IL1RAPL1: variants seen among roughly 807,000 people sequenced by gnomAD.
IL1RAPL1 encodes the protein interleukin 1 receptor accessory protein like 1.
IL1RAPL1 carries 3 observed loss-of-function variants against 48.4 expected under a neutral mutation model. That is an observed-to-expected ratio of 0.06 (90% CI 0.03 to 0.16). The LOEUF is 0.16. IL1RAPL1 is among the 10% of genes least tolerant of loss of function. The pLI is 1.00. For missense variants in IL1RAPL1, 349 were observed against 530.6 expected (o/e 0.66, Z 3.36); for synonymous variants, 185 against 187.7 (o/e 0.99, Z 0.12).
At position 29,321,380 on chromosome X, in the gene IL1RAPL1, C is replaced by T. The variant is rs142795312; in HGVS notation, c.362+38163C>T. Among the ~76,000 whole-genome samples, 50 of 112,013 alleles carry T rather than the reference C, an allele frequency of 4.5e-4. No homozygotes were observed. In the East Asian group the frequency reaches 0.012, roughly 27 times the overall value. On this transcript the variant is annotated intron_variant, in intron 3 of 10. Coordinates refer to ENST00000378993, the MANE Select transcript of IL1RAPL1 (RefSeq NM_014271.4). Reference sequence around the variant, plus strand: ...TAGGAGCTCATTTCTAGCTAAAGTGCTGACATCACTTTGAAGCCATTTACA... The same window carrying T: ...TAGGAGCTCATTTCTAGCTAAAGTGTTGACATCACTTTGAAGCCATTTACA...
chrX:29,748,650 A>G lies in IL1RAPL1; in HGVS notation c.778+80146A>G, dbSNP rs778075416. On this transcript the variant is annotated intron_variant, in intron 6 of 10. Coordinates refer to ENST00000378993, the MANE Select transcript of IL1RAPL1 (RefSeq NM_014271.4). ...TTAACTCGGGAAATATGGGTCCAAA[A>G]CCTAGGTTTTTGGCCCCCAGGCCAT... 2.0e-3 allele frequency among the ~76,000 whole-genome samples: 228 copies of G among 113,077 alleles called. 1 individual carries two copies. The highest frequency in any genetic ancestry group is 9.2e-3 in the Middle Eastern group (2 of 218).
chrX:29,903,515 CTTT>C (rs1391168103), intron 6 of IL1RAPL1, among the ~76,000 whole-genome samples: 2 of 110,881 alleles, frequency 1.8e-5, no homozygotes, highest in Non-Finnish European at 3.8e-5. Flanking sequence ...GGAGAATTTT[CTTT>C]TTAATTAAAA....
rs751730303 is a variant in IL1RAPL1 at position 29,027,922 on chromosome X, TTGTGTG to T, written c.82+238519_82+238524del. On this transcript the variant is annotated intron_variant, in intron 2 of 10. Transcript: ENST00000378993. ...CATTGTTGAGTTTTAAGATTTCTTT[TTGTGTG>T]TGTGTGTGTGTGTGTGTGTGTATAT... Among the ~76,000 whole-genome samples the T allele has an allele frequency of 1.9e-3, 198 of 104,710 alleles. 1 individual carries two copies. The highest frequency in any genetic ancestry group is 9.8e-3 in the Middle Eastern group (2 of 205). 90.9% of individuals were successfully genotyped at this position (104,710 alleles called of 115,157 possible). A position where few individuals can be genotyped will look rare whatever the true frequency, so the allele number is the denominator to read the frequency against.
chrX:29,079,537 G>A (rs1322867814), intron 2 of IL1RAPL1, among the ~76,000 whole-genome samples: 5 of 109,367 alleles, frequency 4.6e-5, no homozygotes, highest in Non-Finnish European at 7.6e-5. Context: ...ATTTTATATG[G>A]TAGAGCTAAG....
chrX:29,454,593 C>G (rs1229741191), intron 5 of IL1RAPL1, among the ~76,000 whole-genome samples: 3 of 111,288 alleles, frequency 2.7e-5, no homozygotes, highest in Non-Finnish European at 5.7e-5. Flanking sequence ...GCAGAAGAAC[C>G]AGAGTTGGAG....
chrX:28,872,280 A>G (rs777648620), intron 2 of IL1RAPL1, among the ~76,000 whole-genome samples: 2 of 111,785 alleles, frequency 1.8e-5, no homozygotes, highest in East Asian at 5.6e-4. Flanking sequence ...TGGCTTCCCA[A>G]AGTGCTGGGA....
intron 2 of IL1RAPL1, among the ~76,000 whole-genome samples, chrX:28,941,133 C>T (rs1040012980): frequency 9.0e-6 from 1 of 110,834 alleles, no homozygotes. Flanking sequence ...TGTGAAAATA[C>T]ACCAGTGAGT....
chrX:28,723,244 G>A (rs1935615743), intron 1 of IL1RAPL1, among the ~76,000 whole-genome samples: 1 of 110,736 alleles, frequency 9.0e-6, no homozygotes, highest in Admixed American at 9.7e-5. Flanking sequence ...TGATTGGTAG[G>A]CTATTAATTA....
Position 29,406,033 on chromosome X carries a change from T to C in IL1RAPL1, c.703+6725T>C, listed in dbSNP as rs12688264. ...CATTGTTTCCTGAACTGGTGTCCAG[T>C]GTACTGATGAGACCATCAAAGGGCT... On this transcript the variant is annotated intron_variant, in intron 5 of 10. Coordinates refer to ENST00000378993, the MANE Select transcript of IL1RAPL1 (RefSeq NM_014271.4). 0.012 allele frequency among the ~76,000 whole-genome samples: 1,383 copies of C among 111,955 alleles called. 51 individuals are homozygous for C. In the East Asian group the frequency reaches 0.13, roughly 10 times the overall value.
intron 5 of IL1RAPL1, among the ~76,000 whole-genome samples, chrX:29,600,184 G>A (rs1923674348): frequency 8.9e-6 from 1 of 112,118 alleles, no homozygotes; most frequent in Non-Finnish European, 1.9e-5. Flanking sequence ...CTCAAGAGCT[G>A]CTGTTCAGAT....
At chrX:28,792,050 A>G (rs944868746) in intron 2 of IL1RAPL1, among the ~76,000 whole-genome samples, 3 of 111,827 alleles carry the variant, frequency 2.7e-5, no homozygotes, top group Non-Finnish European at 5.6e-5. Context: ...TTGATGTTTG[A>G]TTTTACGTAT....
chrX:29,186,546 G>A (rs933944906), intron 2 of IL1RAPL1, among the ~76,000 whole-genome samples: 7 of 111,559 alleles, frequency 6.3e-5, no homozygotes, highest in South Asian at 7.6e-4. Context: ...AAAGGAGGAG[G>A]AAAGACAAGT....
chrX:28,991,941 A>T (rs1437546970), intron 2 of IL1RAPL1, among the ~76,000 whole-genome samples: 1 of 111,815 alleles, frequency 8.9e-6, no homozygotes, highest in Non-Finnish European at 1.9e-5. Context: ...GACATTGTGG[A>T]CTTACTTTCG....
intron 2 of IL1RAPL1, among the ~76,000 whole-genome samples, chrX:29,034,241 T>C (rs1233793644): frequency 8.9e-6 from 1 of 112,115 alleles, no homozygotes; most frequent in African/African-American, 3.2e-5. Context: ...ATAAGTGAAA[T>C]TTATTGGTTT....
chrX:28,824,857 C>G, intron 2 of IL1RAPL1, among the ~76,000 whole-genome samples: 1 of 111,468 alleles, frequency 9.0e-6, no homozygotes, highest in Admixed American at 9.5e-5. Flanking sequence ...TTTTTGAAAA[C>G]CCTATTATAG....
At chrX:28,957,347 A>G (rs1454038878) in intron 2 of IL1RAPL1, among the ~76,000 whole-genome samples, 1 of 112,017 alleles carries the variant, frequency 8.9e-6, no homozygotes, top group Non-Finnish European at 1.9e-5. Context: ...AATTTCATAT[A>G]TTTTATTTCC....
intron 2 of IL1RAPL1, among the ~76,000 whole-genome samples, chrX:29,184,437 C>G (rs761422476): frequency 4.1e-4 from 46 of 111,991 alleles, no homozygotes; most frequent in African/African-American, 1.5e-3. Flanking sequence ...TTTTCTTCAA[C>G]GCATCACTTA....
At chrX:28,648,952 G>A (rs998983788) in intron 1 of IL1RAPL1, among the ~76,000 whole-genome samples, 1 of 111,416 alleles carries the variant, frequency 9.0e-6, no homozygotes, top group Admixed American at 9.6e-5. Flanking sequence ...AGATGGTTTT[G>A]GTGCTCAGCA....
chrX:29,655,651 CAAAAAAAAAAAA>C (rs746998144), intron 5 of IL1RAPL1, among the ~76,000 whole-genome samples: 1 of 26,753 alleles, frequency 3.7e-5, no homozygotes, highest in Non-Finnish European at 6.4e-5. Flanking sequence ...TGACAGTCTC[CAAAAAAAAAAAA>C]AAAAAAAAAA....
Sources: allele counts gnomAD v4.1 joint callset (sites outside exome capture counted in the v4.1 genomes callset), GRCh38; gene constraint gnomAD v4.1.1; transcripts MANE v1.5; gene names NCBI Gene and HGNC (gene_info 2026-07-23, HGNC 2026-07-21).